Variants in ERI2 observed in about 807,000 individuals in gnomAD.
ERI2 encodes the protein ERI1 exoribonuclease family member 2.
ERI2 carries 35 observed loss-of-function variants against 46.8 expected under a neutral mutation model. That is an observed-to-expected ratio of 0.75 (90% CI 0.57 to 0.99). The LOEUF (loss-of-function observed/expected upper bound fraction) is 0.99. ERI2 is among the 50% of genes least tolerant of loss of function. ERI2 has a pLI of 0.00. For synonymous variants in ERI2, 224 were observed against 271.0 expected, an observed-to-expected ratio of 0.83 and a Z score of 1.70; for missense variants, 695 against 796.2, an observed-to-expected ratio of 0.87 and a Z score of 1.53.
rs746498617 is a variant in ERI2, at chr16:20,800,342, A to G, written c.521T>C (p.Val174Ala). Reference protein sequence around the residue: ...ECKRKQLLKPVFLNSWIDLRA... With the variant: ...ECKRKQLLKPAFLNSWIDLRA... ...GAGATCAATCCAAGAATTTAAAAAC[A>G]CAGGTTTTAACAGCTGCTTTCTTTT... The change falls in exon 6 of 9, where the codon GTG becomes GCG. Residue 174 changes from valine to alanine, a missense_variant. Coordinates refer to ENST00000357967, the MANE Select transcript of ERI2 (RefSeq NM_001142725.2). The G allele has an allele frequency of 2.5e-6, 4 of 1,610,808 alleles. No homozygotes were observed. The highest frequency in any genetic ancestry group is 3.4e-6 in the Non-Finnish European group (4 of 1,178,020).
intron 10 of ERI2, among the ~76,000 whole-genome samples, chr16:20,787,055 C>T (rs80100519): frequency 6.6e-6 from 1 of 152,192 alleles, no homozygotes; most frequent in African/African-American, 2.4e-5. Context: ...AGGGGGAATT[C>T]CAGTTCCCCA....
At chr16:20,792,204 C>G, downstream of ERI2, 1 of 1,613,948 alleles carries the variant, frequency 6.2e-7, no homozygotes, top group Middle Eastern at 1.7e-4. Context: ...CTGCCACTCA[C>G]CTGTATGTAT....
intron 1 of ERI2, chr16:20,805,609 T>G (rs2080855892): frequency 6.5e-6 from 1 of 153,022 alleles, no homozygotes; most frequent in Non-Finnish European, 1.5e-5. Flanking sequence ...TTTATGTTCT[T>G]AGCTCCCACA....
downstream of ERI2, among the ~76,000 whole-genome samples, chr16:20,795,507 G>A (rs1352363490): frequency 6.6e-6 from 1 of 152,222 alleles, no homozygotes; most frequent in African/African-American, 2.4e-5. Flanking sequence ...CCAGATCAAA[G>A]TGGATAGGAA....
rs1452226317 is a variant in ERI2, at chr16:20,790,318, C to T, written c.815+532G>A. Among the ~76,000 whole-genome samples, 3 of 152,092 alleles carry T rather than the reference C, an allele frequency of 2.0e-5. No homozygotes were observed. The highest frequency in any genetic ancestry group is 4.4e-5 in the Non-Finnish European group (3 of 68,018). On this transcript the variant is annotated intron_variant, in intron 9 of 10. Transcript: ENST00000300005. The surrounding 1 kb of genome is among the most constrained non-coding windows in gnomAD (Gnocchi z 4.0). Reference sequence around the variant, plus strand: ...AATAAACATTAGCTGAGCATAATGACATGTGCTTGTAGCCCCAGATACTTG... The same window carrying T: ...AATAAACATTAGCTGAGCATAATGATATGTGCTTGTAGCCCCAGATACTTG...
At chr16:20,788,736 C>T (rs990741473) in intron 10 of ERI2, among the ~76,000 whole-genome samples, 2 of 152,202 alleles carry the variant, frequency 1.3e-5, no homozygotes, top group Non-Finnish European at 2.9e-5. Context: ...TCCCCAGACA[C>T]AGAAGATTTT....
downstream of ERI2, among the ~76,000 whole-genome samples, chr16:20,791,626 A>G (rs1241312362): frequency 6.6e-6 from 1 of 152,154 alleles, no homozygotes; most frequent in Non-Finnish European, 1.5e-5. Context: ...TTCCTTGAAC[A>G]TTTAAAAATC....
At chr16:20,802,658 G>T in intron 4 of ERI2, 138 bp downstream of exon 4, 1 of 995,288 alleles carries the variant, frequency 1.0e-6, no homozygotes, top group Non-Finnish European at 1.3e-6. Context: ...AGCAATTCTC[G>T]AACATCAGCC....
rs2080760078 is a variant in ERI2, at chr16:20,798,514, A to G, written c.1286T>C (p.Ile429Thr). ...TGAAATCTCTAAGTCTGAGTCACTA[A>G]TGGGAACTGTACAGTCTACGTTTTC... ...PEENVDCTVP[I>T]SDSDLEISFN... is the part of the protein sequence containing the mutation. Residue 429 changes from isoleucine to threonine, a missense_variant, in exon 9 of 9, where the codon ATT becomes ACT. By Grantham distance (89) the Ile-to-Thr change is moderately conservative (BLOSUM62 -1). Coordinates refer to ENST00000357967, the MANE Select transcript of ERI2 (RefSeq NM_001142725.2). The G allele has an allele frequency of 6.4e-7, 1 of 1,551,480 alleles. No individual in the cohort carries two copies. Among genetic ancestry groups the G allele is most frequent in the Non-Finnish European group, 8.7e-7 (1 of 1,146,900 alleles).
chr16:20,806,434 C>A lies in ERI2; in HGVS notation c.-4G>T. ...GCGCGAGCCGCTTGGTCGCCATTCC[C>A]GACACTCCTTGCTTTTCCAAGTCCA... is the stretch of plus-strand genomic sequence containing the variant. On this transcript the variant is annotated 5_prime_UTR_variant, in exon 1 of 9. Transcript: ENST00000357967. 1 of 1,553,496 alleles carries A rather than the reference C, an allele frequency of 6.4e-7. No homozygotes were observed. Among genetic ancestry groups the A allele is most frequent in the Non-Finnish European group, 8.7e-7 (1 of 1,148,264 alleles).
At chr16:20,789,415 A>G in intron 10 of ERI2, 1 of 1,190,412 alleles carries the variant, frequency 8.4e-7, no homozygotes, top group Non-Finnish European at 1.2e-6. Context: ...AGCTACTGGT[A>G]GACACTTCAG....
chr16:20,797,031 A>G lies in ERI2; in HGVS notation c.*693T>C. The G allele has an allele frequency of 6.3e-7, 1 of 1,585,848 alleles. No individual in the cohort carries two copies. Among genetic ancestry groups the G allele is most frequent in the Non-Finnish European group, 8.6e-7 (1 of 1,169,584 alleles). ...AACATAGTATCTGTCAATCTCTAGA[A>G]ACCACAAGATGATGGAGAGGTCATA... On this transcript the variant is annotated 3_prime_UTR_variant, in exon 9 of 9. Coordinates refer to ENST00000357967, the MANE Select transcript of ERI2 (RefSeq NM_001142725.2).
Position 20,800,304 on chromosome 16 carries a change from T to C in ERI2, c.559A>G (p.Lys187Glu). 6.3e-7 allele frequency: 1 copy of C among 1,599,000 alleles called. No individual in the cohort carries two copies. The highest frequency in any genetic ancestry group is 1.7e-5 in the Admixed American group (1 of 59,058). ...ATGCCCCCATTTTTTACCATTACCT[T>C]GTAAGTTGCTCTGAGATCAATCCAA... ...NSWIDLRATY[K>E]LFYRRKPKGL... The change falls in exon 6 of 9, where the codon AAG (lysine) becomes GAG (glutamate). Residue 187 changes from lysine to glutamate, a missense_variant and splice_region_variant. Coordinates refer to ENST00000357967, the MANE Select transcript of ERI2 (RefSeq NM_001142725.2).
chr16:20,805,576 A>C (rs35122562), intron 1 of ERI2: 10,672 of 152,500 alleles, frequency 0.07, 521 homozygotes, highest in East Asian at 0.22. Flanking sequence ...TATCTGCTAG[A>C]TATAATAAAG....
intron 7 of ERI2, chr16:20,799,589 T>C (rs1415567074): frequency 3.9e-6 from 2 of 518,760 alleles, no homozygotes; most frequent in Non-Finnish European, 6.7e-6. Flanking sequence ...TGAAAATGTA[T>C]TAGACAGTTC....
intron 10 of ERI2, chr16:20,781,721 A>T (rs2080357144): frequency 1.2e-6 from 2 of 1,612,660 alleles, no homozygotes; most frequent in African/African-American, 2.7e-5. Flanking sequence ...CTCTCCAAGT[A>T]CCCCATCACA....
chr16:20,806,349 G>A, intron 1 of ERI2, 59 bp downstream of exon 1: 1 of 1,544,954 alleles, frequency 6.5e-7, no homozygotes, highest in Non-Finnish European at 8.7e-7. Flanking sequence ...CTGCTCTGCG[G>A]CCAACGCCAG....
chr16:20,787,187 A>G (rs558265493), intron 10 of ERI2, among the ~76,000 whole-genome samples: 1 of 152,380 alleles, frequency 6.6e-6, no homozygotes, highest in South Asian at 2.1e-4. Context: ...GTTATGTCCC[A>G]AAATAATAAG....
chr16:20,803,053 C>A, intron 3 of ERI2, 130 bp from the exon 4 acceptor site: 1 of 943,144 alleles, frequency 1.1e-6, no homozygotes, highest in Non-Finnish European at 1.5e-6. Context: ...CTAAAATGAC[C>A]AAAGCAGTGT....
Sources: allele counts gnomAD v4.1 joint callset (sites outside exome capture counted in the v4.1 genomes callset), GRCh38; gene constraint gnomAD v4.1.1; non-coding constraint Gnocchi (gnomAD v3.1); transcripts MANE v1.5; gene names NCBI Gene and HGNC (gene_info 2026-07-23, HGNC 2026-07-21).